The following SNAP91 variants were observed in gnomAD, a reference collection of about 807,000 sequenced individuals.
The protein encoded by SNAP91 is synaptosome associated protein 91, also known as clathrin coat assembly protein AP180.
A neutral mutation model predicts 100.3 loss-of-function variants in SNAP91; 27 were observed. The ratio of observed to expected loss-of-function variants is 0.27; its 90% CI spans 0.20 to 0.37. The LOEUF (loss-of-function observed/expected upper bound fraction) is 0.37, where lower values mean the gene tolerates loss of function less well. Ranked by LOEUF, SNAP91 falls within the 10% of genes least tolerant of loss-of-function variation. The pLI is 1.00. For missense variants in SNAP91, 986 were observed against 1,123.7 expected (o/e 0.88, Z 1.75); for synonymous variants, 404 against 398.6 (o/e 1.01, Z -0.16).
At chr6:83,663,199 G>C (rs934277008) in intron 3 of SNAP91, among the ~76,000 whole-genome samples, 2 of 151,966 alleles carry the variant, frequency 1.3e-5, no homozygotes, top group Admixed American at 6.6e-5. Context: ...TATTCCCTGA[G>C]ACACAAAAAT....
chr6:83,656,376 G>A (rs1044472158), intron 7 of SNAP91, among the ~76,000 whole-genome samples: 5 of 152,112 alleles, frequency 3.3e-5, no homozygotes, highest in Admixed American at 6.5e-5. Context: ...GCTTCCCATC[G>A]CCAAGGCTTA....
At chr6:83,623,990 A>G (rs990800392) in intron 8 of SNAP91, among the ~76,000 whole-genome samples, 4 of 152,108 alleles carry the variant, frequency 2.6e-5, no homozygotes, top group Non-Finnish European at 5.9e-5. Flanking sequence ...TCCTTGTCCT[A>G]TATTTAATTA....
intron 9 of SNAP91, among the ~76,000 whole-genome samples, chr6:83,618,427 A>G (rs1414783476): frequency 3.3e-5 from 5 of 151,914 alleles, no homozygotes; most frequent in African/African-American, 1.2e-4. Context: ...TACAAAAATT[A>G]GGATTTTAAA....
intron 8 of SNAP91, among the ~76,000 whole-genome samples, chr6:83,627,773 C>G (rs2097008220): frequency 6.6e-6 from 1 of 151,806 alleles, no homozygotes; most frequent in Non-Finnish European, 1.5e-5. Context: ...GTCGATCAAT[C>G]TTGTTTATCC....
At chr6:83,665,339 T>C (rs2098660473) in intron 3 of SNAP91, 100 bp downstream of exon 3, 1 of 1,155,134 alleles carries the variant, frequency 8.7e-7, no homozygotes, top group Admixed American at 2.4e-5. Context: ...CTTTTCTTTT[T>C]CTCCTAATTA....
intron 22 of SNAP91, among the ~76,000 whole-genome samples, chr6:83,586,930 C>G (rs2092751645): frequency 6.6e-6 from 1 of 152,032 alleles, no homozygotes. Flanking sequence ...CACCAAACAC[C>G]TTAAAATTTT....
intron 2 of SNAP91, among the ~76,000 whole-genome samples, chr6:83,694,441 T>C (rs1387029057): frequency 6.6e-6 from 1 of 152,172 alleles, no homozygotes; most frequent in South Asian, 2.1e-4. Flanking sequence ...ATTAAGCTTG[T>C]AGCATGCCAC....
intron 8 of SNAP91, among the ~76,000 whole-genome samples, chr6:83,624,223 G>C (rs2096844428): frequency 6.6e-6 from 1 of 151,978 alleles, no homozygotes; most frequent in South Asian, 2.1e-4. Context: ...TATTAATAAA[G>C]GTAAATCAAT....
At chr6:83,558,586 G>C (rs1176286373) in intron 28 of SNAP91, among the ~76,000 whole-genome samples, 1 of 152,158 alleles carries the variant, frequency 6.6e-6, no homozygotes, top group Non-Finnish European at 1.5e-5. Context: ...GGAAATTTTG[G>C]GAACAGGTCA....
chr6:83,559,479 G>C (rs1387319062), intron 28 of SNAP91, among the ~76,000 whole-genome samples: 3 of 152,132 alleles, frequency 2.0e-5, no homozygotes, highest in Non-Finnish European at 4.4e-5. Context: ...GATCTAATTT[G>C]TATCCTTTTA....
At chr6:83,658,637 A>G in intron 6 of SNAP91, among the ~76,000 whole-genome samples, 1 of 152,252 alleles carries the variant, frequency 6.6e-6, no homozygotes. Context: ...AAAATAAAAT[A>G]AAATAAAAAA....
At chr6:83,677,512 T>G (rs1587006754) in intron 2 of SNAP91, among the ~76,000 whole-genome samples, 1 of 152,148 alleles carries the variant, frequency 6.6e-6, no homozygotes, top group East Asian at 1.9e-4. Flanking sequence ...CAGAAGGGGA[T>G]GGTGGAGAGA....
chr6:83,561,957 T>C (rs1298909402), intron 26 of SNAP91, among the ~76,000 whole-genome samples: 1 of 152,088 alleles, frequency 6.6e-6, no homozygotes, highest in African/African-American at 2.4e-5. Flanking sequence ...AGTCCAGAGC[T>C]TGAGAATGCA....
chr6:83,674,722 C>T (rs1352862100), intron 2 of SNAP91, among the ~76,000 whole-genome samples: 1 of 152,048 alleles, frequency 6.6e-6, no homozygotes, highest in African/African-American at 2.4e-5. Context: ...GAGTTGGTTA[C>T]AGATATTTAA....
In SNAP91 at chr6:83,595,048, G is replaced by C. The variant is rs1247508115; in HGVS notation, c.1325-567C>G. On this transcript the variant is annotated intron_variant, in intron 16 of 29. Transcript: ENST00000369694. ...TTTACTAAGCATTCCTAAGTGTTAA[G>C]TCTTCACTATCCCTGAAAAGCATTT... Among the ~76,000 whole-genome samples the C allele has an allele frequency of 2.0e-5, 3 of 152,120 alleles. No homozygotes were observed. The East Asian group carries it at 5.8e-4, about 29-fold the overall frequency.
intron 2 of SNAP91, among the ~76,000 whole-genome samples, chr6:83,694,373 A>G (rs2099167911): frequency 6.6e-6 from 1 of 152,180 alleles, no homozygotes; most frequent in South Asian, 2.1e-4. Context: ...GAAGCTCTAG[A>G]TGACAGAATT....
chr6:83,593,290 A>C (rs1437435123), intron 18 of SNAP91, 31 bp from the exon 19 acceptor site: 1 of 1,564,096 alleles, frequency 6.4e-7, no homozygotes, highest in African/African-American at 1.4e-5. Flanking sequence ...GCCTTTACTC[A>C]ACTTGAACAA....
chr6:83,637,524 C>T (rs931125232), intron 8 of SNAP91, among the ~76,000 whole-genome samples: 2 of 152,212 alleles, frequency 1.3e-5, no homozygotes, highest in Non-Finnish European at 2.9e-5. Flanking sequence ...TCAGCTTGTG[C>T]TCCTCTGACC....
At position 83,611,863 on chromosome 6, in the gene SNAP91, A is replaced by ATTTTT. The variant is rs750966269; in HGVS notation, c.885-1191_885-1187dup. ...AGGCGCCTGCCACCACGCCCGGCTAATTTTTTTTTTTTTTTTTTTTTTTTT... is the reference window on the plus strand; with the variant it reads ...AGGCGCCTGCCACCACGCCCGGCTAATTTTTTTTTTTTTTTTTTTTTTTTTTTTTT... On this transcript the variant is annotated intron_variant, in intron 11 of 29. Coordinates refer to ENST00000369694, the MANE Select transcript of SNAP91 (RefSeq NM_001242792.2). 7.8e-4 allele frequency among the ~76,000 whole-genome samples: 71 copies of ATTTTT among 91,250 alleles called. 2 individuals are homozygous for ATTTTT. Among genetic ancestry groups the ATTTTT allele is most frequent in the African/African-American group, 3.4e-3 (68 of 20,002 alleles). The allele number at this position is 91,250 out of a possible 152,430, so 59.9% of individuals were successfully genotyped here.
Sources: allele counts gnomAD v4.1 joint callset (sites outside exome capture counted in the v4.1 genomes callset), GRCh38; gene constraint gnomAD v4.1.1; transcripts MANE v1.5; gene names NCBI Gene and HGNC (gene_info 2026-07-23, HGNC 2026-07-21).